Variants in STX7 observed in about 807,000 individuals in gnomAD.
STX7 encodes the protein syntaxin 7.
In STX7, 34 loss-of-function variants were observed where a neutral mutation model predicts 39.6. The observed-to-expected ratio is 0.86, with a 90% CI of 0.65 to 1.14. The LOEUF is 1.14. Ranked by LOEUF, STX7 falls within the 50% of genes most tolerant of loss-of-function variation. The probability of loss-of-function intolerance (pLI) is 0.00; values close to 1 mark genes in which losing one functional copy is unlikely to be tolerated. For missense variants in STX7, 284 were observed against 310.4 expected (o/e 0.92, Z 0.64); for synonymous variants, 119 against 99.1 (o/e 1.20, Z -1.19).
intron 2 of STX7, among the ~76,000 whole-genome samples, chr6:132,487,279 T>C (rs1775160210): frequency 6.6e-6 from 1 of 152,190 alleles, no homozygotes; most frequent in Non-Finnish European, 1.5e-5. Context: ...TTGTTTATAA[T>C]ACTCTCTTAA....
chr6:132,468,499 T>C (rs747013797), intron 7 of STX7, 24 bp from the exon 8 acceptor site: 2 of 1,561,370 alleles, frequency 1.3e-6, no homozygotes, highest in Non-Finnish European at 8.7e-7. Flanking sequence ...CATATATTAT[T>C]ATAATCAGAA....
At chr6:132,476,156 T>C (rs1774869136) in intron 2 of STX7, among the ~76,000 whole-genome samples, 1 of 152,194 alleles carries the variant, frequency 6.6e-6, no homozygotes, top group Non-Finnish European at 1.5e-5. Flanking sequence ...AGGACATTCA[T>C]ACAACTTAAA....
chr6:132,490,167 G>A (rs1051405241), intron 2 of STX7, among the ~76,000 whole-genome samples: 8 of 152,174 alleles, frequency 5.3e-5, no homozygotes, highest in African/African-American at 9.7e-5. Flanking sequence ...GAGGCCTTGC[G>A]CCTTGCAATT....
At chr6:132,479,720 C>T (rs1772566187) in intron 2 of STX7, among the ~76,000 whole-genome samples, 1 of 152,318 alleles carries the variant, frequency 6.6e-6, no homozygotes, top group African/African-American at 2.4e-5. Context: ...TATTGCCGTA[C>T]ACCAATTTGC....
At chr6:132,482,788 G>C (rs1291318255) in intron 2 of STX7, among the ~76,000 whole-genome samples, 1 of 152,096 alleles carries the variant, frequency 6.6e-6, no homozygotes, top group African/African-American at 2.4e-5. Context: ...AGTGATCAAG[G>C]AAGAAACGCC....
chr6:132,482,975 A>T (rs1775047905), intron 2 of STX7, among the ~76,000 whole-genome samples: 1 of 151,792 alleles, frequency 6.6e-6, no homozygotes, highest in South Asian at 2.1e-4. Flanking sequence ...GTTAACAAAA[A>T]AGAAAAAAAA....
At chr6:132,510,680 C>T (rs2114493297) in intron 1 of STX7, among the ~76,000 whole-genome samples, 1 of 152,332 alleles carries the variant, frequency 6.6e-6, no homozygotes, top group Middle Eastern at 3.4e-3. Flanking sequence ...AGACCACTTC[C>T]ATTATCACAG....
chr6:132,508,558 T>C (rs562527474), intron 1 of STX7, among the ~76,000 whole-genome samples: 2 of 152,338 alleles, frequency 1.3e-5, no homozygotes, highest in East Asian at 1.9e-4. Flanking sequence ...GCACCCAGGC[T>C]GGAGTGCAGT....
In STX7 at chr6:132,454,764, C is replaced by T. The variant is rs1316592381; in HGVS notation, c.*5994G>A. 6.6e-6 allele frequency: 1 copy of T among 152,016 alleles called. No homozygotes were observed. Among genetic ancestry groups the T allele is most frequent in the Non-Finnish European group, 1.5e-5 (1 of 67,980 alleles). 9.4% of individuals were successfully genotyped at this position (152,016 alleles called of 1,614,324 possible). A position where few individuals can be genotyped will look rare whatever the true frequency, so the allele number is the denominator to read the frequency against. On this transcript the variant is annotated 3_prime_UTR_variant, in exon 10 of 10. Coordinates refer to ENST00000367941, the MANE Select transcript of STX7 (RefSeq NM_003569.3). ...TTGAACAAAAAATGTTTGTTTATTG[C>T]CTCCAAGATAGAACATGAATTTCTT...
At chr6:132,485,232 T>C (rs1408154128) in intron 2 of STX7, among the ~76,000 whole-genome samples, 1 of 152,210 alleles carries the variant, frequency 6.6e-6, no homozygotes, top group African/African-American at 2.4e-5. Flanking sequence ...ATGCTTTCTG[T>C]TGCTTTCTGT....
chr6:132,470,467 A>G (rs1774686302), intron 6 of STX7, 107 bp downstream of exon 6: 2 of 734,180 alleles, frequency 2.7e-6, no homozygotes, highest in Non-Finnish European at 4.2e-6. Flanking sequence ...ACAACTTAGG[A>G]TATTTATGAT....
chr6:132,481,696 GCCC>G (rs1159119791), intron 2 of STX7, among the ~76,000 whole-genome samples: 1 of 151,858 alleles, frequency 6.6e-6, no homozygotes, highest in African/African-American at 2.4e-5. Context: ...GGAAGACAAG[GCCC>G]CCTACACTTA....
intron 2 of STX7, among the ~76,000 whole-genome samples, chr6:132,502,754 C>T (rs1345928778): frequency 6.6e-6 from 1 of 152,088 alleles, no homozygotes; most frequent in Non-Finnish European, 1.5e-5. Flanking sequence ...AAAAAATTAG[C>T]CGGGCGTGGT....
intron 4 of STX7, 96 bp from the exon 5 acceptor site, chr6:132,471,696 C>T: frequency 9.2e-6 from 13 of 1,412,490 alleles, no homozygotes; most frequent in Non-Finnish European, 1.2e-5. Flanking sequence ...GAAGTTTTCA[C>T]TTACTCCCCA....
chr6:132,483,785 T>C (rs757179887), intron 2 of STX7, among the ~76,000 whole-genome samples: 6 of 152,144 alleles, frequency 3.9e-5, no homozygotes, highest in Non-Finnish European at 7.4e-5. Flanking sequence ...TCAAAAATGC[T>C]TGAGAAAAAT....
chr6:132,447,182 T>C lies in STX7; in HGVS notation c.*13576A>G, dbSNP rs1582634828. On this transcript the variant is annotated 3_prime_UTR_variant, in exon 10 of 10. Coordinates refer to ENST00000367941, the MANE Select transcript of STX7 (RefSeq NM_003569.3). ...GGCTTTTAAGTAAAACACCCTAAGA[T>C]GGAACTTACTGTGTAGTGGAAAGAG... The C allele has an allele frequency of 6.6e-6, 1 of 152,214 alleles. No individual in the cohort carries two copies. The highest frequency in any genetic ancestry group is 2.1e-4 in the South Asian group (1 of 4,836). 9.4% of individuals were successfully genotyped at this position (152,214 alleles called of 1,614,324 possible).
intron 5 of STX7, 46 bp from the exon 6 acceptor site, chr6:132,470,672 C>T (rs370333397): frequency 6.5e-6 from 9 of 1,383,778 alleles, no homozygotes; most frequent in Non-Finnish European, 9.1e-6. Context: ...GCAAAAAAAG[C>T]AAAAATGAGA....
rs142874380 is a variant in STX7, at chr6:132,455,069, T to C, written c.*5689A>G. Reference sequence around the variant, plus strand: ...ATAAAATATATTCCCCATTAAAATCTTGCTTATTTTTAGAATCATTACTGA... The same window carrying C: ...ATAAAATATATTCCCCATTAAAATCCTGCTTATTTTTAGAATCATTACTGA... On this transcript the variant is annotated 3_prime_UTR_variant, in exon 10 of 10. Transcript: ENST00000367941. 2.6e-5 allele frequency: 4 copies of C among 152,288 alleles called. No homozygotes were observed. In the East Asian group the frequency reaches 7.7e-4, roughly 29 times the overall value. 9.4% of individuals were successfully genotyped at this position (152,288 alleles called of 1,614,324 possible).
At chr6:132,475,392 T>C (rs1028370945) in intron 3 of STX7, 27 of 351,480 alleles carry the variant, frequency 7.7e-5, no homozygotes, top group African/African-American at 4.9e-4. Context: ...AGATCTTTAA[T>C]ATAAAAACAC....
Sources: gnomAD v4.1 joint callset for allele counts (sites outside exome capture counted in the v4.1 genomes callset) on GRCh38, gnomAD v4.1.1 for gene constraint, MANE v1.5 for transcripts, NCBI Gene and HGNC (gene_info 2026-07-23, HGNC 2026-07-21) for gene names.